ASTN2: variants seen among roughly 807,000 people sequenced by gnomAD.
The protein encoded by ASTN2 is astrotactin 2, also known as astrotactin-2.
In ASTN2, 54 loss-of-function variants were observed where a neutral mutation model predicts 139.8. That is an observed-to-expected ratio of 0.39 (90% CI 0.31 to 0.48). The LOEUF is 0.48. Among genes scored for constraint, ASTN2 ranks in the 20% least tolerant of loss-of-function variants. The probability of loss-of-function intolerance (pLI) is 0.95; values close to 1 mark genes in which losing one functional copy is unlikely to be tolerated. For missense variants in ASTN2, 1,565 were observed against 1,725.1 expected (o/e 0.91, Z 1.64); for synonymous variants, 756 against 719.5 (o/e 1.05, Z -0.81).
At chr9:117,034,960 T>A (rs1838341620) in intron 6 of ASTN2, among the ~76,000 whole-genome samples, 1 of 152,162 alleles carries the variant, frequency 6.6e-6, no homozygotes, top group Non-Finnish European at 1.5e-5. Context: ...TAATCGACAG[T>A]AAACATTGAG....
intron 1 of ASTN2, among the ~76,000 whole-genome samples, chr9:117,377,118 T>C (rs1051153780): frequency 6.6e-6 from 1 of 152,100 alleles, no homozygotes; most frequent in Admixed American, 6.5e-5. Flanking sequence ...CTGCTAGGAA[T>C]GGATGAGGGA....
chr9:116,751,901 T>C (rs1829412958), intron 13 of ASTN2, among the ~76,000 whole-genome samples: 1 of 152,184 alleles, frequency 6.6e-6, no homozygotes, highest in Admixed American at 6.5e-5. Context: ...ATCTTCAATA[T>C]TGTTAATATG....
chr9:117,012,556 T>A (rs893785551), intron 6 of ASTN2, among the ~76,000 whole-genome samples: 1 of 152,160 alleles, frequency 6.6e-6, no homozygotes, highest in Non-Finnish European at 1.5e-5. Flanking sequence ...TGCCCAGATA[T>A]CTTTAATACA....
At chr9:116,831,743 C>T (rs921776423) in intron 11 of ASTN2, among the ~76,000 whole-genome samples, 9 of 152,162 alleles carry the variant, frequency 5.9e-5, no homozygotes, top group Admixed American at 3.9e-4. Flanking sequence ...AAGTTTTGGC[C>T]ATTATAGTTC....
At position 116,975,292 on chromosome 9, in the gene ASTN2, A is replaced by G; in HGVS notation, c.1805T>C (p.Val602Ala). 2 of 1,613,612 alleles carry G rather than the reference A, an allele frequency of 1.2e-6. No homozygotes were observed. Among genetic ancestry groups the G allele is most frequent in the East Asian group, 4.5e-5 (2 of 44,832 alleles). ...GATGGACAGCTCCACAGGCGGAACC[A>G]CAAAGCTTTTGCTGACAGGAAGCCA... ...GLWLPVSKSF[V>A]VPPVELSINP... Residue 602 changes from valine (V) to alanine (A), a missense_variant, in exon 10 of 23, where the codon GTG becomes GCG. Coordinates refer to ENST00000313400, the MANE Select transcript of ASTN2 (RefSeq NM_001365068.1).
At position 116,973,294 on chromosome 9, in the gene ASTN2, G is replaced by T. The variant is rs775391276; in HGVS notation, c.1889+1914C>A. 1.8e-3 allele frequency among the ~76,000 whole-genome samples: 269 copies of T among 152,194 alleles called. 1 individual carries two copies. The highest frequency in any genetic ancestry group is 2.9e-3 in the Non-Finnish European group (200 of 68,020). ...TTCGGCACTTACTTAGAAAATGATC[G>T]ATGATATGAACTATTATTATTATTA... is the stretch of plus-strand genomic sequence containing the variant. On this transcript the variant is annotated intron_variant, in intron 10 of 22. Coordinates refer to ENST00000313400, the MANE Select transcript of ASTN2 (RefSeq NM_001365068.1).
intron 7 of ASTN2, among the ~76,000 whole-genome samples, chr9:116,989,047 G>A (rs1016856275): frequency 1.3e-5 from 2 of 152,108 alleles, no homozygotes; most frequent in Non-Finnish European, 2.9e-5. Flanking sequence ...ACCTGAAACA[G>A]CAAAGTGAAA....
chr9:117,279,873 T>G (rs1468202501), intron 2 of ASTN2, among the ~76,000 whole-genome samples: 2 of 152,194 alleles, frequency 1.3e-5, no homozygotes, highest in Non-Finnish European at 2.9e-5. Context: ...TAATGCTCAT[T>G]TCTCTCTCCA....
intron 1 of ASTN2, among the ~76,000 whole-genome samples, chr9:117,325,528 C>A (rs1828485965): frequency 6.6e-6 from 1 of 152,140 alleles, no homozygotes; most frequent in Non-Finnish European, 1.5e-5. Context: ...TTTGGAATCT[C>A]CTTTTCCCCT....
Position 117,379,381 on chromosome 9 carries a change from G to A in ASTN2, c.442+35116C>T, listed in dbSNP as rs544083499. ...CTAAACTACCACCCACTGACTCAGG[G>A]AGAACTAGCCCCAGGTTTATGTAGA... On this transcript the variant is annotated intron_variant, in intron 1 of 22. Transcript: ENST00000313400. Among the ~76,000 whole-genome samples, 223 of 152,218 alleles carry A rather than the reference G, an allele frequency of 1.5e-3. 2 individuals carry two copies. Among genetic ancestry groups the A allele is most frequent in the African/African-American group, 4.9e-3 (205 of 41,554 alleles).
At chr9:116,634,279 TGAAA>T (rs1856948768) in intron 17 of ASTN2, among the ~76,000 whole-genome samples, 1 of 152,104 alleles carries the variant, frequency 6.6e-6, no homozygotes, top group Non-Finnish European at 1.5e-5. Context: ...ATTCTCTAGA[TGAAA>T]GAAAGTAACT....
intron 5 of ASTN2, among the ~76,000 whole-genome samples, chr9:117,089,295 T>C (rs948167992): frequency 1.3e-5 from 2 of 152,358 alleles, no homozygotes; most frequent in Admixed American, 6.5e-5. Context: ...CTCCTGACTC[T>C]GAGTCCAACA....
intron 1 of ASTN2, among the ~76,000 whole-genome samples, chr9:117,359,999 A>G (rs1437770623): frequency 1.3e-5 from 2 of 152,188 alleles, no homozygotes; most frequent in African/African-American, 2.4e-5. Flanking sequence ...GAGAAAGTAG[A>G]TGCAAGCCCG....
intron 7 of ASTN2, among the ~76,000 whole-genome samples, chr9:116,986,442 T>C (rs777999770): frequency 2.0e-5 from 3 of 152,022 alleles, no homozygotes; most frequent in Non-Finnish European, 4.4e-5. Context: ...TGGAGGAAAA[T>C]ACATCACTGC....
intron 2 of ASTN2, among the ~76,000 whole-genome samples, chr9:117,246,415 G>A (rs903586114): frequency 1.3e-5 from 2 of 152,132 alleles, no homozygotes; most frequent in African/African-American, 4.8e-5. Flanking sequence ...CTAGTTGTGT[G>A]GACGAGGAGA....
At chr9:116,979,377 A>C (rs1836445940) in intron 7 of ASTN2, among the ~76,000 whole-genome samples, 1 of 152,138 alleles carries the variant, frequency 6.6e-6, no homozygotes, top group Non-Finnish European at 1.5e-5. Context: ...CCTTCCCTGC[A>C]ACATCATGCC....
Position 116,695,311 on chromosome 9 carries a change from G to C in ASTN2, c.2806+30460C>G, listed in dbSNP as rs1339516609. On this transcript the variant is annotated intron_variant, in intron 16 of 22. Transcript: ENST00000313400. ...GATTAAAAGAGATTAAGCATATAAA[G>C]TATCTGTCATAGTAACTAGCATATA... Among the ~76,000 whole-genome samples the C allele has an allele frequency of 2.0e-5, 3 of 152,240 alleles. No individual in the cohort carries two copies. In the East Asian group the frequency reaches 5.8e-4, roughly 29 times the overall value.
At chr9:117,071,264 C>T (rs1234548563) in intron 5 of ASTN2, among the ~76,000 whole-genome samples, 1 of 151,190 alleles carries the variant, frequency 6.6e-6, no homozygotes, top group South Asian at 2.1e-4. Flanking sequence ...GTTGGAATAC[C>T]CTGCCGTGTG....
intron 20 of ASTN2, among the ~76,000 whole-genome samples, chr9:116,452,483 T>C (rs1459129677): frequency 6.6e-6 from 1 of 152,208 alleles, no homozygotes; most frequent in African/African-American, 2.4e-5. Flanking sequence ...ATGGTGATTA[T>C]GGATGTAAAA....
Sources: gnomAD v4.1 joint callset for allele counts (sites outside exome capture counted in the v4.1 genomes callset) on GRCh38, gnomAD v4.1.1 for gene constraint, MANE v1.5 for transcripts, NCBI Gene and HGNC (gene_info 2026-07-23, HGNC 2026-07-21) for gene names.